SLC16A7: variants seen among roughly 807,000 people sequenced by gnomAD.
SLC16A7 encodes monocarboxylate transporter 2.
In SLC16A7, 33 loss-of-function variants were observed where a neutral mutation model predicts 34.9. The observed-to-expected ratio is 0.94, with a 90% CI of 0.72 to 1.26. SLC16A7 has a LOEUF of 1.26. SLC16A7 is among the 50% of genes most tolerant of loss of function. The probability of loss-of-function intolerance (pLI) is 0.00; values close to 1 mark genes in which losing one functional copy is unlikely to be tolerated. For missense variants in SLC16A7, 573 were observed against 578.1 expected (o/e 0.99, Z 0.09); for synonymous variants, 201 against 206.6 (o/e 0.97, Z 0.23).
At chr12:59,733,773 A>G (rs530946421) in intron 3 of SLC16A7, 74 of 456,020 alleles carry the variant, frequency 1.6e-4, no homozygotes, top group African/African-American at 1.4e-3. Flanking sequence ...ACAACCGGAG[A>G]GCGAGCAAGG....
chr12:59,672,601 T>G (rs1869977279), intron 2 of SLC16A7, among the ~76,000 whole-genome samples: 1 of 152,112 alleles, frequency 6.6e-6, no homozygotes, highest in Non-Finnish European at 1.5e-5. Context: ...GATATTATTA[T>G]TATTATCATC....
At chr12:59,732,229 C>T (rs1877036467) in intron 3 of SLC16A7, among the ~76,000 whole-genome samples, 1 of 151,826 alleles carries the variant, frequency 6.6e-6, no homozygotes, top group South Asian at 2.1e-4. Flanking sequence ...CCAGCCTGAC[C>T]AATATGAAGA....
intron 2 of SLC16A7, among the ~76,000 whole-genome samples, chr12:59,681,337 A>G (rs1270992637): frequency 6.6e-6 from 1 of 152,150 alleles, no homozygotes; most frequent in Non-Finnish European, 1.5e-5. Context: ...CTTTAGCCAC[A>G]TTGCAAAGCA....
Position 59,711,940 on chromosome 12 carries a change from T to G in SLC16A7, c.217+6922T>G, listed in dbSNP as rs192266856. Among the ~76,000 whole-genome samples, 29 of 152,326 alleles carry G rather than the reference T, an allele frequency of 1.9e-4. 1 individual carries two copies. The East Asian group carries it at 5.4e-3, about 28-fold the overall frequency. ...AGAGCATTATAGTTGGAGAGTGAGC[T>G]CCAAAATATTAATAGCAGATATGAA... On this transcript the variant is annotated intron_variant, in intron 3 of 5. Coordinates refer to ENST00000547379, the MANE Select transcript of SLC16A7 (RefSeq NM_001270623.2).
chr12:59,733,584 G>T, intron 3 of SLC16A7: 1 of 387,306 alleles, frequency 2.6e-6, no homozygotes, highest in South Asian at 1.9e-5. Flanking sequence ...TCACAGCCCT[G>T]GCTCAGGGAT....
Position 59,752,940 on chromosome 12 carries a change from A to G in SLC16A7, c.218-18279A>G, listed in dbSNP as rs369752099. On this transcript the variant is annotated intron_variant, in intron 3 of 5. Coordinates refer to ENST00000547379, the MANE Select transcript of SLC16A7 (RefSeq NM_001270623.2). ...AACTCTACAAGCCAGAAGAGAGTGG[A>G]GGCCAATATTCAACATTCTTAAAGA... is the stretch of plus-strand genomic sequence containing the variant. Among the ~76,000 whole-genome samples, 9 of 152,296 alleles carry G rather than the reference A, an allele frequency of 5.9e-5. No individual in the cohort carries two copies. The East Asian group carries it at 1.2e-3, about 20-fold the overall frequency.
chr12:59,750,544 A>G (rs1384811045), intron 3 of SLC16A7, among the ~76,000 whole-genome samples: 1 of 152,196 alleles, frequency 6.6e-6, no homozygotes, highest in Non-Finnish European at 1.5e-5. Flanking sequence ...GACGATCATT[A>G]AAAAGTCAGG....
At chr12:59,638,118 C>T (rs1019046076) in intron 1 of SLC16A7, among the ~76,000 whole-genome samples, 2 of 151,720 alleles carry the variant, frequency 1.3e-5, no homozygotes, top group Non-Finnish European at 2.9e-5. Flanking sequence ...AAAGAATAGA[C>T]AGCTGTGTTG....
chr12:59,691,635 T>C (rs1342646761), intron 2 of SLC16A7, among the ~76,000 whole-genome samples: 1 of 152,018 alleles, frequency 6.6e-6, no homozygotes, highest in Non-Finnish European at 1.5e-5. Context: ...TAAGTAGTCT[T>C]TCTGTGTATA....
intron 1 of SLC16A7, among the ~76,000 whole-genome samples, chr12:59,626,757 G>C (rs918934218): frequency 6.6e-6 from 1 of 151,736 alleles, no homozygotes; most frequent in Non-Finnish European, 1.5e-5. Context: ...GGACTGTCAG[G>C]CTCACAGCAG....
intron 3 of SLC16A7, among the ~76,000 whole-genome samples, chr12:59,721,362 A>G (rs1379864889): frequency 6.6e-6 from 1 of 151,884 alleles, no homozygotes; most frequent in Non-Finnish European, 1.5e-5. Flanking sequence ...ATCAGTATCT[A>G]TCCTAACTAA....
chr12:59,743,873 T>C (rs1210356908), intron 3 of SLC16A7, among the ~76,000 whole-genome samples: 1 of 152,176 alleles, frequency 6.6e-6, no homozygotes, highest in Non-Finnish European at 1.5e-5. Flanking sequence ...ACTTAACTTT[T>C]CCAAGCTTCC....
intron 2 of SLC16A7, among the ~76,000 whole-genome samples, chr12:59,682,600 G>T (rs79788022): frequency 0.071 from 10,829 of 152,124 alleles, 430 homozygotes; most frequent in Middle Eastern, 0.17. Context: ...TCTTAGAAAT[G>T]ATTATAAATA....
At chr12:59,612,252 T>C (rs1473778187) in intron 1 of SLC16A7, among the ~76,000 whole-genome samples, 1 of 152,264 alleles carries the variant, frequency 6.6e-6, no homozygotes. Context: ...TTGACTTCTG[T>C]GCAGTTACAG....
At chr12:59,620,994 A>G (rs908758215) in intron 1 of SLC16A7, among the ~76,000 whole-genome samples, 1 of 151,922 alleles carries the variant, frequency 6.6e-6, no homozygotes, top group African/African-American at 2.4e-5. Flanking sequence ...TTGAGGCAGA[A>G]TATATAATTA....
At chr12:59,751,539 C>T (rs922196304) in intron 3 of SLC16A7, among the ~76,000 whole-genome samples, 28 of 152,304 alleles carry the variant, frequency 1.8e-4, no homozygotes, top group African/African-American at 5.8e-4. Flanking sequence ...AAGGCGGCAG[C>T]GAGGCTGGGG....
chr12:59,596,452 C>T lies in SLC16A7; in HGVS notation c.-130+216C>T, dbSNP rs1878400581. 6.6e-6 allele frequency among the ~76,000 whole-genome samples: 1 copy of T among 152,084 alleles called. No homozygotes were observed. Among genetic ancestry groups the T allele is most frequent in the African/African-American group, 2.4e-5 (1 of 41,414 alleles). ...CCGAAGCGGCCGCGGGAGCAGAGCT[C>T]GCGTCAGCCAGTGCGCGCCGACAGC... On this transcript the variant is annotated intron_variant, in intron 1 of 5. Coordinates refer to ENST00000547379, the MANE Select transcript of SLC16A7 (RefSeq NM_001270623.2). This position sits in a 1 kb window ranked among gnomAD's most constrained non-coding sequence, Gnocchi z 5.0.
At chr12:59,771,805 C>A (rs1224201911) in intron 4 of SLC16A7, among the ~76,000 whole-genome samples, 1 of 152,096 alleles carries the variant, frequency 6.6e-6, no homozygotes, top group Non-Finnish European at 1.5e-5. Flanking sequence ...TTTCTGGATG[C>A]ACTGATTTAG....
intron 3 of SLC16A7, among the ~76,000 whole-genome samples, chr12:59,733,308 C>T (rs999853907): frequency 3.3e-5 from 5 of 152,100 alleles, no homozygotes; most frequent in African/African-American, 9.7e-5. Context: ...TGCAAAGCGG[C>T]GAGGGGTGTG....
Sources: allele counts gnomAD v4.1 joint callset (sites outside exome capture counted in the v4.1 genomes callset), GRCh38; gene constraint gnomAD v4.1.1; non-coding constraint Gnocchi (gnomAD v3.1); transcripts MANE v1.5; gene names NCBI Gene and HGNC (gene_info 2026-07-23, HGNC 2026-07-21).